CASZ1: variants seen among roughly 807,000 people sequenced by gnomAD.
CASZ1 encodes the protein castor zinc finger 1, also known as zinc finger protein castor homolog 1.
In CASZ1, 28 loss-of-function variants were observed where a neutral mutation model predicts 135.2. The ratio of observed to expected loss-of-function variants is 0.21; its 90% CI spans 0.15 to 0.28. CASZ1 has a LOEUF of 0.28. Among genes scored for constraint, CASZ1 ranks in the 10% least tolerant of loss-of-function variants. The pLI, the probability that CASZ1 is intolerant of heterozygous loss-of-function variation, is 1.00. For missense variants in CASZ1, 2,161 were observed against 2,453.3 expected (o/e 0.88, Z 2.52); for synonymous variants, 1,068 against 1,073.4 (o/e 0.99, Z 0.10).
Position 10,701,531 on chromosome 1 carries a change from GA to G in CASZ1, c.-24+3960del, listed in dbSNP as rs143128355. On this transcript the variant is annotated intron_variant, in intron 3 of 20. Coordinates refer to ENST00000377022, the MANE Select transcript of CASZ1 (RefSeq NM_001079843.3). The surrounding 1 kb of genome is among the most constrained non-coding windows in gnomAD (Gnocchi z 6.3). ...CTTCAGAGTGATGGAGTGATGGGAG[GA>G]GGGGGGGCGCGGTCAGAAGAAGGAG... 3.3e-3 allele frequency among the ~76,000 whole-genome samples: 499 copies of G among 152,300 alleles called. 2 individuals are homozygous for G. Among genetic ancestry groups the G allele is most frequent in the African/African-American group, 0.011 (462 of 41,546 alleles).
In CASZ1 at chr1:10,717,936, C is replaced by T. The variant is rs541582657; in HGVS notation, c.-76-12392G>A. Among the ~76,000 whole-genome samples the T allele has an allele frequency of 1.3e-5, 2 of 152,368 alleles. No individual in the cohort carries two copies. The highest frequency in any genetic ancestry group is 2.4e-5 in the African/African-American group (1 of 41,590). On this transcript the variant is annotated intron_variant, in intron 2 of 20. Coordinates refer to ENST00000377022, the MANE Select transcript of CASZ1 (RefSeq NM_001079843.3). This position sits in a 1 kb window ranked among gnomAD's most constrained non-coding sequence, Gnocchi z 4.6. Reference sequence around the variant, plus strand: ...TGCAGCCGCTGCGAGCACGCCTGGTCGCCTCAGCGACCAAAGCGGGTGCAG... The same window carrying T: ...TGCAGCCGCTGCGAGCACGCCTGGTTGCCTCAGCGACCAAAGCGGGTGCAG...
intron 4 of CASZ1, among the ~76,000 whole-genome samples, chr1:10,678,465 T>C (rs1426011954): frequency 6.6e-6 from 1 of 150,672 alleles, no homozygotes; most frequent in Admixed American, 6.6e-5. Flanking sequence ...CCCAGGGAGG[T>C]GCCCACAGGG....
At chr1:10,765,172 G>C (rs1260908981) in intron 1 of CASZ1, among the ~76,000 whole-genome samples, 1 of 152,164 alleles carries the variant, frequency 6.6e-6, no homozygotes, top group Non-Finnish European at 1.5e-5. Context: ...TTTTCACCTG[G>C]GGGAATGTGG....
intron 1 of CASZ1, among the ~76,000 whole-genome samples, chr1:10,787,506 C>CG (rs1411719591): frequency 1.3e-5 from 2 of 152,194 alleles, no homozygotes; most frequent in Non-Finnish European, 2.9e-5. Context: ...CTGAGCTCCC[C>CG]GGGGGCGAGG....
intron 11 of CASZ1, chr1:10,652,911 G>A (rs953041788): frequency 1.1e-5 from 2 of 176,106 alleles, no homozygotes; most frequent in Admixed American, 5.9e-5. Context: ...TGGGAAGGGC[G>A]TCCCTGGGCC....
In CASZ1 at chr1:10,637,536, TC is replaced by T. The variant is rs1276901461; in HGVS notation, c.*1405del. 1 of 152,202 alleles carries T rather than the reference TC, an allele frequency of 6.6e-6. No individual in the cohort carries two copies. Among genetic ancestry groups the T allele is most frequent in the Non-Finnish European group, 1.5e-5 (1 of 67,994 alleles). The allele number at this position is 152,202 out of a possible 1,614,324, so 9.4% of individuals were successfully genotyped here. A position where few individuals can be genotyped will look rare whatever the true frequency, so the allele number is the denominator to read the frequency against. ...GACAGCCTCCCCGCCAGCCTTCCAT[TC>T]CCTCCTAGGCCTGTTCTCTCCCGGT... On this transcript the variant is annotated 3_prime_UTR_variant, in exon 21 of 21. Coordinates refer to ENST00000377022, the MANE Select transcript of CASZ1 (RefSeq NM_001079843.3).
rs1010160284 is a variant in CASZ1, at chr1:10,709,668, G to A, written c.-76-4124C>T. ...AGAGAAAGAGAGGAGAAAAGAAAGC[G>A]AATCAAAGTGCTGCCCGGAGGACGG... On this transcript the variant is annotated intron_variant, in intron 2 of 20. Transcript: ENST00000377022. This position sits in a 1 kb window ranked among gnomAD's most constrained non-coding sequence, Gnocchi z 5.1. Among the ~76,000 whole-genome samples, 1 of 152,240 alleles carries A rather than the reference G, an allele frequency of 6.6e-6. No homozygotes were observed. The highest frequency in any genetic ancestry group is 3.4e-3 in the Middle Eastern group (1 of 294).
At position 10,700,689 on chromosome 1, in the gene CASZ1, C is replaced by G. The variant is rs1480835511; in HGVS notation, c.-24+4803G>C. 6.6e-6 allele frequency among the ~76,000 whole-genome samples: 1 copy of G among 152,138 alleles called. No homozygotes were observed. On this transcript the variant is annotated intron_variant, in intron 3 of 20. Coordinates refer to ENST00000377022, the MANE Select transcript of CASZ1 (RefSeq NM_001079843.3). This position sits in a 1 kb window ranked among gnomAD's most constrained non-coding sequence, Gnocchi z 4.2. ...TCTGCTCCCTGAACCCAGGCACTGA[C>G]CCTCTACCTTCCCAGCATCTTCAGG...
rs1338728639 is a variant in CASZ1, at chr1:10,727,934, GAACT to G, written c.-76-22394_-76-22391del. ...GCACCATGCCAACACGTGGAAGGTT[GAACT>G]AACCCCGGGCGCGATGCCACGTGCC... On this transcript the variant is annotated intron_variant, in intron 2 of 20. Transcript: ENST00000377022. This position sits in a 1 kb window ranked among gnomAD's most constrained non-coding sequence, Gnocchi z 5.3. 1.3e-5 allele frequency among the ~76,000 whole-genome samples: 2 copies of G among 152,238 alleles called. No homozygotes were observed. Among genetic ancestry groups the G allele is most frequent in the African/African-American group, 4.8e-5 (2 of 41,466 alleles).
rs775624849 is a variant in CASZ1, at chr1:10,656,661, A to C, written c.1485T>G (p.Pro495=). The change falls in exon 8 of 21, where the codon CCT becomes CCG. Residue 495 remains proline (P), a synonymous_variant. Transcript: ENST00000377022. Reference sequence around the variant, plus strand: ...GTGGCCGTACCTGGTAGTTACACTCAGGGTCAAGGCAGTGGTAGTGCTCGC... The same window carrying C: ...GTGGCCGTACCTGGTAGTTACACTCCGGGTCAAGGCAGTGGTAGTGCTCGC... ...QYREHYHCLD[P]ECNYQRFTSK... The C allele has an allele frequency of 6.2e-7, 1 of 1,600,184 alleles. No homozygotes were observed. Among genetic ancestry groups the C allele is most frequent in the Non-Finnish European group, 8.5e-7 (1 of 1,174,050 alleles).
At chr1:10,738,918 G>GTTTTTTTT (rs752101102) in intron 2 of CASZ1, among the ~76,000 whole-genome samples, 1 of 69,176 alleles carries the variant, frequency 1.4e-5, no homozygotes, top group Non-Finnish European at 2.8e-5. Context: ...ATGAAGGAAG[G>GTTTTTTTT]TTTTTTTTTT....
chr1:10,710,368 C>A (rs542127751), intron 2 of CASZ1, among the ~76,000 whole-genome samples: 6 of 152,146 alleles, frequency 3.9e-5, no homozygotes, highest in Non-Finnish European at 8.8e-5. Flanking sequence ...AAGCTGGCCT[C>A]CCCACCCCTC....
rs1282730146 is a variant in CASZ1, at chr1:10,796,612, G to A, written c.-282C>T. On this transcript the variant is annotated 5_prime_UTR_variant, in exon 1 of 21. Coordinates refer to ENST00000377022, the MANE Select transcript of CASZ1 (RefSeq NM_001079843.3). ...GACTTTCCAAGTCCGGGGGAAAAAT[G>A]TGTGTGTGTTTGGGATGGAGCGCCG... 6.6e-6 allele frequency: 1 copy of A among 152,316 alleles called. No homozygotes were observed. Among genetic ancestry groups the A allele is most frequent in the Non-Finnish European group, 1.5e-5 (1 of 68,082 alleles). The allele number at this position is 152,316 out of a possible 1,614,324, so 9.4% of individuals were successfully genotyped here. A position where few individuals can be genotyped will look rare whatever the true frequency, so the allele number is the denominator to read the frequency against.
chr1:10,789,087 G>A (rs952516785), intron 1 of CASZ1, among the ~76,000 whole-genome samples: 2 of 152,128 alleles, frequency 1.3e-5, no homozygotes, highest in African/African-American at 4.8e-5. Flanking sequence ...AGGGACTTGA[G>A]GCCAGGGGTC....
In CASZ1 at chr1:10,699,508, G is replaced by A. The variant is rs1379915715; in HGVS notation, c.-23-5596C>T. 5.9e-5 allele frequency among the ~76,000 whole-genome samples: 9 copies of A among 152,184 alleles called. No homozygotes were observed. Among genetic ancestry groups the A allele is most frequent in the Admixed American group, 5.2e-4 (8 of 15,284 alleles). ...TGTTGGGTGGGCAGCTGGCAGCCCT[G>A]GCAGATCCAGGACAGTCGGCAGAAG... On this transcript the variant is annotated intron_variant, in intron 3 of 20. Coordinates refer to ENST00000377022, the MANE Select transcript of CASZ1 (RefSeq NM_001079843.3). This position sits in a 1 kb window ranked among gnomAD's most constrained non-coding sequence, Gnocchi z 4.6.
At chr1:10,731,682 A>G (rs1296625044) in intron 2 of CASZ1, among the ~76,000 whole-genome samples, 1 of 152,262 alleles carries the variant, frequency 6.6e-6, no homozygotes, top group Non-Finnish European at 1.5e-5. Flanking sequence ...ATGTGGTTTC[A>G]GATTCCACCT....
Position 10,788,899 on chromosome 1 carries a change from G to T in CASZ1, c.-234+7665C>A, listed in dbSNP as rs552499656. On this transcript the variant is annotated intron_variant, in intron 1 of 20. Coordinates refer to ENST00000377022, the MANE Select transcript of CASZ1 (RefSeq NM_001079843.3). The surrounding 1 kb of genome is among the most constrained non-coding windows in gnomAD (Gnocchi z 4.1). ...AGAGGGGAAGCCAGCAGCCGCTGCC[G>T]CTCTGCAGAACCTCGCAGATCCTCT... is the stretch of plus-strand genomic sequence containing the variant. Among the ~76,000 whole-genome samples the T allele has an allele frequency of 5.9e-5, 9 of 152,342 alleles. No homozygotes were observed. Among genetic ancestry groups the T allele is most frequent in the Admixed American group, 5.2e-4 (8 of 15,308 alleles).
At chr1:10,754,310 C>T (rs1247301040) in intron 2 of CASZ1, among the ~76,000 whole-genome samples, 1 of 152,212 alleles carries the variant, frequency 6.6e-6, no homozygotes, top group Non-Finnish European at 1.5e-5. Context: ...TTGGCTCCCT[C>T]CATCCGAATG....
In CASZ1 at chr1:10,740,355, G is replaced by A. The variant is rs567777963; in HGVS notation, c.-77+20346C>T. ...CACAGCCCCTCCCACTAATCCATGCGCCCCAGCCCGGGCTTCAGCTCCACA... is the reference window on the plus strand; with the variant it reads ...CACAGCCCCTCCCACTAATCCATGCACCCCAGCCCGGGCTTCAGCTCCACA... On this transcript the variant is annotated intron_variant, in intron 2 of 20. Coordinates refer to ENST00000377022, the MANE Select transcript of CASZ1 (RefSeq NM_001079843.3). Among the ~76,000 whole-genome samples, 9 of 152,288 alleles carry A rather than the reference G, an allele frequency of 5.9e-5. No individual in the cohort carries two copies. In the South Asian group the frequency reaches 8.3e-4, roughly 14 times the overall value.
Sources: allele counts gnomAD v4.1 joint callset (sites outside exome capture counted in the v4.1 genomes callset), GRCh38; gene constraint gnomAD v4.1.1; non-coding constraint Gnocchi (gnomAD v3.1); transcripts MANE v1.5; gene names NCBI Gene and HGNC (gene_info 2026-07-23, HGNC 2026-07-21).